Variants in PDE8B observed in about 807,000 individuals in gnomAD.
PDE8B encodes the protein high affinity cAMP-specific and IBMX-insensitive 3',5'-cyclic phosphodiesterase 8B.
In PDE8B, 26 loss-of-function variants were observed where a neutral mutation model predicts 101.3. That is an observed-to-expected ratio of 0.26 (90% confidence interval 0.19 to 0.36). The LOEUF (loss-of-function observed/expected upper bound fraction) is 0.36. Among genes scored for constraint, PDE8B ranks in the 10% least tolerant of loss-of-function variants. The pLI is 1.00. For missense variants in PDE8B, 810 were observed against 1,163.1 expected (o/e 0.70, Z 4.42); for synonymous variants, 424 against 429.3 (o/e 0.99, Z 0.15).
the PDE8B span, among the ~76,000 whole-genome samples, chr5:77,180,782 C>A: frequency 6.6e-6 from 1 of 152,224 alleles, no homozygotes; most frequent in Admixed American, 6.5e-5. Context: ...CGCTTCTCAG[C>A]AGGAGCTGGA....
At chr5:77,158,600 G>A in the PDE8B span, among the ~76,000 whole-genome samples, 2 of 152,290 alleles carry the variant, frequency 1.3e-5, no homozygotes, top group African/African-American at 4.8e-5. Flanking sequence ...GAGTGCCTGT[G>A]GATGGAGCCT....
At chr5:77,142,448 G>C in the PDE8B span, among the ~76,000 whole-genome samples, 1 of 152,072 alleles carries the variant, frequency 6.6e-6, no homozygotes, top group African/African-American at 2.4e-5. Context: ...AGGCCCTTTT[G>C]TAATCCATTT....
At chr5:77,379,559 C>T (rs1343623421) in intron 10 of PDE8B, among the ~76,000 whole-genome samples, 2 of 152,086 alleles carry the variant, frequency 1.3e-5, no homozygotes, top group Non-Finnish European at 2.9e-5. Context: ...GGTGCTACAG[C>T]ATTTGGAGAA....
chr5:77,104,286 TC>T, the PDE8B span, among the ~76,000 whole-genome samples: 5 of 152,142 alleles, frequency 3.3e-5, no homozygotes, highest in African/African-American at 1.2e-4. Context: ...TAGTAGATGT[TC>T]CCTTTATAAC....
At chr5:77,332,832 C>T (rs1451970821) in intron 5 of PDE8B, among the ~76,000 whole-genome samples, 10 of 127,096 alleles carry the variant, frequency 7.9e-5, no homozygotes, top group East Asian at 4.1e-4. Context: ...AGTAAAACTC[C>T]GTCTCAAAAA....
At chr5:77,245,247 C>T (rs1041995935) in intron 1 of PDE8B, among the ~76,000 whole-genome samples, 7 of 151,968 alleles carry the variant, frequency 4.6e-5, no homozygotes, top group East Asian at 1.9e-4. Flanking sequence ...TCCAAATTAG[C>T]GAAATGTTAT....
chr5:77,118,570 C>G, the PDE8B span: 1 of 393,854 alleles, frequency 2.5e-6, no homozygotes, highest in South Asian at 1.4e-4. Context: ...GCTTATTTCT[C>G]AGATCAGTGC....
intron 10 of PDE8B, among the ~76,000 whole-genome samples, chr5:77,387,029 G>T (rs1476180769): frequency 2.0e-5 from 3 of 149,764 alleles, no homozygotes; most frequent in African/African-American, 4.9e-5. Flanking sequence ...GACTACAGGC[G>T]CCCGCCACCG....
rs139043411 is a variant in PDE8B at position 77,252,025 on chromosome 5, G to A, written c.339+40761G>A. 2.4e-3 allele frequency among the ~76,000 whole-genome samples: 372 copies of A among 152,236 alleles called. 2 individuals are homozygous for A. Among genetic ancestry groups the A allele is most frequent in the African/African-American group, 8.5e-3 (351 of 41,524 alleles). On this transcript the variant is annotated intron_variant, in intron 1 of 21. Transcript: ENST00000264917. ...ATTTCTGTTGTTTCTACTGGCTCTC[G>A]CCTGTGTGGTTACATGTGCTCATGA...
the PDE8B span, among the ~76,000 whole-genome samples, chr5:77,153,202 A>T: frequency 3.3e-5 from 5 of 152,200 alleles, no homozygotes; most frequent in Non-Finnish European, 7.3e-5. Context: ...ACCCTGACTT[A>T]AAGGAGGGCT....
chr5:77,187,868 A>G, the PDE8B span, among the ~76,000 whole-genome samples: 5 of 152,372 alleles, frequency 3.3e-5, no homozygotes, highest in Middle Eastern at 3.4e-3. Context: ...TCTCCATTGT[A>G]AATATTACTC....
chr5:77,423,388 G>A (rs902450286), intron 20 of PDE8B, among the ~76,000 whole-genome samples: 3 of 152,108 alleles, frequency 2.0e-5, no homozygotes, highest in Admixed American at 6.5e-5. Flanking sequence ...GTAATGGGAC[G>A]GCTGGGTTGA....
chr5:77,117,223 G>A, the PDE8B span, among the ~76,000 whole-genome samples: 5 of 152,150 alleles, frequency 3.3e-5, no homozygotes, highest in South Asian at 2.1e-4. Context: ...CAGGACAAGC[G>A]CTCTGTCTCT....
At chr5:77,254,323 A>C (rs1758673802) in intron 1 of PDE8B, among the ~76,000 whole-genome samples, 1 of 152,230 alleles carries the variant, frequency 6.6e-6, no homozygotes, top group Non-Finnish European at 1.5e-5. Flanking sequence ...CTGCCTCAAA[A>C]GTAGACAAAA....
chr5:77,365,680 G>T (rs1448150705), intron 10 of PDE8B, among the ~76,000 whole-genome samples: 1 of 152,234 alleles, frequency 6.6e-6, no homozygotes, highest in Non-Finnish European at 1.5e-5. Flanking sequence ...GGCTTTGTCA[G>T]GGCCAGGGAG....
At chr5:77,312,108 T>C in intron 2 of PDE8B, 55 bp downstream of exon 2, 41 of 1,193,494 alleles carry the variant, frequency 3.4e-5, no homozygotes, top group East Asian at 4.9e-5. Context: ...TTTTTTTCTT[T>C]TTTTTTTTTT....
intron 10 of PDE8B, among the ~76,000 whole-genome samples, chr5:77,383,024 C>T (rs1019238540): frequency 2.0e-5 from 3 of 152,208 alleles, no homozygotes; most frequent in African/African-American, 7.2e-5. Context: ...CTGTCTTCCA[C>T]AATGGTTGAA....
rs529927574 is a variant in PDE8B at position 77,216,880 on chromosome 5, G to GA, written c.339+5621dup. ...GGAGAGTGGGTCTGGAGGGGCAAAT[G>GA]AAAAATATCCTGAGCATATCCCAAA... On this transcript the variant is annotated intron_variant, in intron 1 of 21. Transcript: ENST00000264917. Among the ~76,000 whole-genome samples the GA allele has an allele frequency of 1.4e-4, 21 of 152,304 alleles. No homozygotes were observed. In the East Asian group the frequency reaches 2.1e-3, roughly 15 times the overall value.
chr5:77,306,670 GTTAC>G (rs1354165675), intron 1 of PDE8B, among the ~76,000 whole-genome samples: 2 of 152,160 alleles, frequency 1.3e-5, no homozygotes, highest in Admixed American at 1.3e-4. Flanking sequence ...TCGATGCCAA[GTTAC>G]TTAACAAAAT....
Sources: gnomAD v4.1 joint callset for allele counts (sites outside exome capture counted in the v4.1 genomes callset) on GRCh38, gnomAD v4.1.1 for gene constraint, MANE v1.5 for transcripts, NCBI Gene and HGNC (gene_info 2026-07-23, HGNC 2026-07-21) for gene names.